RICTOR: variants seen among roughly 807,000 people sequenced by gnomAD.
The protein encoded by RICTOR is rapamycin-insensitive companion of mTOR.
RICTOR carries 49 observed loss-of-function variants against 214.9 expected under a neutral mutation model. That is an observed-to-expected ratio of 0.23 (90% CI 0.18 to 0.29). The LOEUF is 0.29. Among genes scored for constraint, RICTOR ranks in the 10% least tolerant of loss-of-function variants. The pLI is 1.00. For missense variants in RICTOR, 1,625 were observed against 2,047.0 expected, an observed-to-expected ratio of 0.79 and a Z score of 3.98; for synonymous variants, 717 against 711.3, an observed-to-expected ratio of 1.01 and a Z score of -0.13.
At chr5:38,979,234 T>C (rs997747523) in intron 8 of RICTOR, among the ~76,000 whole-genome samples, 1 of 152,100 alleles carries the variant, frequency 6.6e-6, no homozygotes, top group African/African-American at 2.4e-5. Flanking sequence ...ACTGCAACCT[T>C]GAACTCCTAG....
At chr5:39,041,625 T>G (rs146864078) in intron 2 of RICTOR, among the ~76,000 whole-genome samples, 35 of 152,188 alleles carry the variant, frequency 2.3e-4, no homozygotes, top group African/African-American at 8.2e-4. Context: ...AAGGATGAAG[T>G]CTAGATTTCC....
intron 15 of RICTOR, 33 bp from the exon 16 acceptor site, chr5:38,964,925 T>C: frequency 7.5e-7 from 1 of 1,327,178 alleles, no homozygotes; most frequent in South Asian, 1.2e-5. Flanking sequence ...ACATGAGTTT[T>C]CAGAAGTAGA....
In RICTOR at chr5:38,964,918, T is replaced by C. The variant is rs1193425553; in HGVS notation, c.1300-26A>G. On this transcript the variant is annotated intron_variant, in intron 15 of 37. Transcript: ENST00000357387. ...CTAAAATGAAGCATAACATTTTACA[T>C]GAGTTTTCAGAAGTAGAAAGAGTTT... 2.1e-6 allele frequency: 3 copies of C among 1,410,326 alleles called. No homozygotes were observed. The Admixed American group carries it at 5.2e-5, about 24-fold the overall frequency. 87.4% of individuals were successfully genotyped at this position (1,410,326 alleles called of 1,614,324 possible).
At chr5:39,001,552 TA>T (rs1753617810) in intron 5 of RICTOR, among the ~76,000 whole-genome samples, 1 of 152,106 alleles carries the variant, frequency 6.6e-6, no homozygotes, top group South Asian at 2.1e-4. Context: ...TTTCACTAAT[TA>T]TGAACTTTTG....
intron 9 of RICTOR, among the ~76,000 whole-genome samples, chr5:38,976,715 C>T (rs1751259458): frequency 6.6e-6 from 1 of 151,976 alleles, no homozygotes; most frequent in African/African-American, 2.4e-5. Context: ...CATAATATAC[C>T]CTTATTTACA....
intron 2 of RICTOR, among the ~76,000 whole-genome samples, chr5:39,039,524 C>T (rs912220207): frequency 6.6e-6 from 1 of 152,128 alleles, no homozygotes. Flanking sequence ...TCAGAGTGAA[C>T]AGGTAACCTA....
Position 38,968,075 on chromosome 5 carries a change from T to C in RICTOR, c.973-45A>G, listed in dbSNP as rs771297683. 8.5e-6 allele frequency: 9 copies of C among 1,057,920 alleles called. No homozygotes were observed. In the Admixed American group the frequency reaches 1.2e-4, roughly 15 times the overall value. 65.5% of individuals were successfully genotyped at this position (1,057,920 alleles called of 1,614,324 possible). On this transcript the variant is annotated intron_variant, in intron 11 of 37. Coordinates refer to ENST00000357387, the MANE Select transcript of RICTOR (RefSeq NM_152756.5). ...CACCTCATTTATTTTTATGAAACACTTTTAAGATTTTTAAATGTCCTATTC... is the reference window on the plus strand; with the variant it reads ...CACCTCATTTATTTTTATGAAACACCTTTAAGATTTTTAAATGTCCTATTC...
intron 2 of RICTOR, among the ~76,000 whole-genome samples, chr5:39,067,412 C>T (rs1257827332): frequency 6.6e-6 from 1 of 152,192 alleles, no homozygotes; most frequent in African/African-American, 2.4e-5. Flanking sequence ...CCAAGCCCCA[C>T]CTCCAGCATT....
At chr5:38,951,057 A>ATGCT (rs1267450064) in intron 30 of RICTOR, among the ~76,000 whole-genome samples, 3 of 151,954 alleles carry the variant, frequency 2.0e-5, no homozygotes, top group Non-Finnish European at 4.4e-5. Flanking sequence ...TTGGCCATGG[A>ATGCT]TGCTTACTCA....
At position 38,939,734 on chromosome 5, in the gene RICTOR, TA is replaced by T. The variant is rs1395500392; in HGVS notation, c.*2569del. On this transcript the variant is annotated 3_prime_UTR_variant, in exon 38 of 38. Coordinates refer to ENST00000357387, the MANE Select transcript of RICTOR (RefSeq NM_152756.5). ...AATTTATATGGACTAAGATTAATCC[TA>T]AAATCTTTAAAAACTACAGTATTGA... 6 of 228,486 alleles carry T rather than the reference TA, an allele frequency of 2.6e-5. No individual in the cohort carries two copies. Among genetic ancestry groups the T allele is most frequent in the Non-Finnish European group, 5.2e-5 (6 of 115,272 alleles). The allele number at this position is 228,486 out of a possible 1,614,324, so 14.2% of individuals were successfully genotyped here. A position where few individuals can be genotyped will look rare whatever the true frequency, so the allele number is the denominator to read the frequency against.
intron 2 of RICTOR, among the ~76,000 whole-genome samples, chr5:39,064,351 G>T (rs1346514606): frequency 6.6e-6 from 1 of 152,098 alleles, no homozygotes; most frequent in African/African-American, 2.4e-5. Flanking sequence ...TCCACTAACA[G>T]TATTTGCTTA....
intron 2 of RICTOR, among the ~76,000 whole-genome samples, chr5:39,041,617 G>C (rs1310587341): frequency 2.0e-5 from 3 of 152,090 alleles, no homozygotes; most frequent in African/African-American, 7.2e-5. Context: ...GCAGAATCAA[G>C]GATGAAGTCT....
chr5:39,069,854 TAAG>T, intron 2 of RICTOR, among the ~76,000 whole-genome samples: 1 of 152,188 alleles, frequency 6.6e-6, no homozygotes, highest in Non-Finnish European at 1.5e-5. Flanking sequence ...ATTATTCTTT[TAAG>T]AAGTCAACCC....
At position 38,942,894 on chromosome 5, in the gene RICTOR, G is replaced by A. The variant is rs965595865; in HGVS notation, c.4991C>T (p.Thr1664Ile). Reference protein sequence around the residue: ...SEVSHLLSHCTFRLPCRRFIQ... With the variant: ...SEVSHLLSHCIFRLPCRRFIQ... ...GAACCTCCGACACGGAAGTCTGAATGTGCAGTGTGACAGCAAATGGGAAAC... is the reference window on the plus strand; with the variant it reads ...GAACCTCCGACACGGAAGTCTGAATATGCAGTGTGACAGCAAATGGGAAAC... Residue 1664 changes from threonine (T) to isoleucine (I), a missense_variant, in exon 37 of 38, where the codon ACA becomes ATA. This residue lies in a region of RICTOR where 44 missense variants were observed against 90.1 expected (regional missense o/e 0.49). Coordinates refer to ENST00000357387, the MANE Select transcript of RICTOR (RefSeq NM_152756.5). 9.3e-6 allele frequency: 15 copies of A among 1,608,398 alleles called. No individual in the cohort carries two copies. The highest frequency in any genetic ancestry group is 1.3e-5 in the African/African-American group (1 of 74,832).
intron 7 of RICTOR, among the ~76,000 whole-genome samples, chr5:38,984,746 T>C (rs1195143737): frequency 1.3e-5 from 2 of 152,128 alleles, no homozygotes; most frequent in Non-Finnish European, 2.9e-5. Context: ...CAAAAAAACA[T>C]CTTTTCTTGT....
intron 29 of RICTOR, 46 bp downstream of exon 29, chr5:38,952,938 GA>G: frequency 8.8e-7 from 1 of 1,136,382 alleles, no homozygotes; most frequent in South Asian, 1.3e-5. Context: ...ATCCATTTGT[GA>G]ATAACAACGT....
chr5:38,958,547 T>A (rs201482051), intron 23 of RICTOR, 28 bp from the exon 24 acceptor site: 1 of 1,583,570 alleles, frequency 6.3e-7, no homozygotes, highest in African/African-American at 1.4e-5. Flanking sequence ...TATTTTTTTA[T>A]AATTGCACAA....
intron 2 of RICTOR, among the ~76,000 whole-genome samples, chr5:39,052,533 A>G (rs1757923308): frequency 6.6e-6 from 1 of 152,236 alleles, no homozygotes; most frequent in South Asian, 2.1e-4. Context: ...AACTTTTTAC[A>G]GTATCACAAA....
At chr5:39,068,704 C>A (rs1269925960) in intron 2 of RICTOR, among the ~76,000 whole-genome samples, 1 of 152,080 alleles carries the variant, frequency 6.6e-6, no homozygotes, top group Admixed American at 6.6e-5. Flanking sequence ...AGGATATGAA[C>A]TGACAATGGG....
Sources: allele counts gnomAD v4.1 joint callset (sites outside exome capture counted in the v4.1 genomes callset), GRCh38; gene constraint gnomAD v4.1.1; regional missense constraint gnomAD v4.1.1; transcripts MANE v1.5; gene names NCBI Gene and HGNC (gene_info 2026-07-23, HGNC 2026-07-21).